CCDC88A: variants seen among roughly 807,000 people sequenced by gnomAD.
CCDC88A encodes the protein girdin.
Under a neutral mutation model 234.3 loss-of-function variants are expected in CCDC88A, and 54 were observed. The ratio of observed to expected loss-of-function variants is 0.23; its 90% confidence interval spans 0.19 to 0.29. The LOEUF (loss-of-function observed/expected upper bound fraction) is 0.29, where lower values mean the gene tolerates loss of function less well. Among genes scored for constraint, CCDC88A ranks in the 10% least tolerant of loss-of-function variants. The probability of loss-of-function intolerance (pLI) is 1.00; values close to 1 mark genes in which losing one functional copy is unlikely to be tolerated. For synonymous variants in CCDC88A, 753 were observed against 737.8 expected (o/e 1.02, Z -0.33); for missense variants, 1,832 against 2,123.4 (o/e 0.86, Z 2.70).
intron 2 of CCDC88A, among the ~76,000 whole-genome samples, chr2:55,401,647 T>G (rs1244091147): frequency 6.6e-6 from 1 of 150,908 alleles, no homozygotes; most frequent in Non-Finnish European, 1.5e-5. Context: ...TACAGAATAT[T>G]TTCACATATA....
chr2:55,377,991 T>A (rs960591427), intron 3 of CCDC88A, among the ~76,000 whole-genome samples: 4 of 152,242 alleles, frequency 2.6e-5, no homozygotes. Flanking sequence ...TTACGTCACT[T>A]ATTTTTGACT....
intron 8 of CCDC88A, among the ~76,000 whole-genome samples, chr2:55,352,546 T>A (rs1301375276): frequency 6.6e-6 from 1 of 152,152 alleles, no homozygotes; most frequent in African/African-American, 2.4e-5. Context: ...AAGGATGAAT[T>A]TTCTGACCTG....
At position 55,335,688 on chromosome 2, in the gene CCDC88A, G is replaced by T. The variant is rs1238269405; in HGVS notation, c.1657-524C>A. On this transcript the variant is annotated intron_variant, in intron 14 of 32. Coordinates refer to ENST00000436346, the MANE Select transcript of CCDC88A (RefSeq NM_001365480.1). This position sits in a 1 kb window ranked among gnomAD's most constrained non-coding sequence, Gnocchi z 4.5. The stretch of plus-strand genomic sequence containing the variant: ...AGCATCAAAATCACAAAAATCACTG[G>T]GTACATTTGGGAACTAATTCATCCA... Among the ~76,000 whole-genome samples the T allele has an allele frequency of 6.6e-6, 1 of 151,990 alleles. No homozygotes were observed. The highest frequency in any genetic ancestry group is 2.4e-5 in the African/African-American group (1 of 41,342).
chr2:55,325,584 C>A (rs1030387361), intron 17 of CCDC88A, among the ~76,000 whole-genome samples: 1 of 152,104 alleles, frequency 6.6e-6, no homozygotes, highest in Non-Finnish European at 1.5e-5. Flanking sequence ...ACAGTGAGAG[C>A]AAAATCTTTG....
intron 3 of CCDC88A, among the ~76,000 whole-genome samples, chr2:55,384,339 T>C (rs57410428): frequency 0.55 from 79,327 of 144,412 alleles, 23,177 homozygotes; most frequent in Admixed American, 0.65. Flanking sequence ...AAAAAAAAAA[T>C]CCAGAAGTGT....
At chr2:55,392,971 T>G (rs1676888308) in intron 2 of CCDC88A, among the ~76,000 whole-genome samples, 1 of 152,208 alleles carries the variant, frequency 6.6e-6, no homozygotes. Flanking sequence ...TCCTTTGTTG[T>G]TGTTTTTTTT....
At position 55,406,010 on chromosome 2, in the gene CCDC88A, T is replaced by G. The variant is rs1344884114; in HGVS notation, c.164+12806A>C. The G allele has an allele frequency of 2.0e-5, 3 of 151,744 alleles. No individual in the cohort carries two copies. The East Asian group carries it at 5.8e-4, about 29-fold the overall frequency. The allele number at this position is 151,744 out of a possible 1,614,324, so 9.4% of individuals were successfully genotyped here. On this transcript the variant is annotated intron_variant, in intron 2 of 32. Coordinates refer to ENST00000436346, the MANE Select transcript of CCDC88A (RefSeq NM_001365480.1). ...CCGTCTCTACTAAAAATACAAAAAA[T>G]TAGCTAGCTGTGGTGGCACGCGCTG... is the stretch of plus-strand genomic sequence containing the variant.
intron 1 of CCDC88A, 50 bp downstream of exon 1, chr2:55,418,967 G>A (rs1173932738): frequency 9.4e-6 from 15 of 1,593,934 alleles, no homozygotes; most frequent in South Asian, 3.3e-5. Flanking sequence ...CTCCATCTCT[G>A]CAGCCACAAA....
chr2:55,291,657 T>C lies in CCDC88A; in HGVS notation c.*35+19A>G, dbSNP rs1679463658. 3 of 1,160,400 alleles carry C rather than the reference T, an allele frequency of 2.6e-6. No individual in the cohort carries two copies. The East Asian group carries it at 7.2e-5, about 28-fold the overall frequency. 71.9% of individuals were successfully genotyped at this position (1,160,400 alleles called of 1,614,324 possible). ...ATAAATGAGACTAATCTCATTTACA[T>C]TTTAAGCAGGAAACTCACCACTTGG... On this transcript the variant is annotated intron_variant, in intron 32 of 32. Transcript: ENST00000436346.
chr2:55,346,187 C>T lies in CCDC88A; in HGVS notation c.1029G>A (p.Lys343=), dbSNP rs113785488. 1,371 of 1,600,570 alleles carry T rather than the reference C, an allele frequency of 8.6e-4. 6 individuals are homozygous for T. In the African/African-American group the frequency reaches 0.01, roughly 12 times the overall value. The change falls in exon 10 of 33, where the codon AAG becomes AAA. Residue 343 remains lysine (K), a synonymous_variant. Coordinates refer to ENST00000436346, the MANE Select transcript of CCDC88A (RefSeq NM_001365480.1). ...KERLHDIEFY[K]ARVEELKEDN... The stretch of plus-strand genomic sequence containing the variant: ...TTATGCAACATACCTCAACTCTTGC[C>T]TTATAAAATTCAATATCATGTAGTC...
intron 2 of CCDC88A, among the ~76,000 whole-genome samples, chr2:55,395,917 T>G (rs1197673084): frequency 6.6e-6 from 1 of 152,198 alleles, no homozygotes; most frequent in African/African-American, 2.4e-5. Context: ...AAGCATCTAC[T>G]AGAACTAGTT....
intron 3 of CCDC88A, among the ~76,000 whole-genome samples, chr2:55,381,246 C>G (rs1674542971): frequency 6.6e-6 from 1 of 152,088 alleles, no homozygotes; most frequent in Non-Finnish European, 1.5e-5. Context: ...ACAAAATTGC[C>G]TAATGACACA....
intron 25 of CCDC88A, among the ~76,000 whole-genome samples, chr2:55,306,511 A>G (rs11904107): frequency 0.095 from 14,411 of 152,190 alleles, 1,630 homozygotes; most frequent in African/African-American, 0.27. Flanking sequence ...ATAAGTGTGT[A>G]TGACTTTTTA....
intron 2 of CCDC88A, among the ~76,000 whole-genome samples, chr2:55,412,687 G>C (rs929877999): frequency 1.3e-5 from 2 of 152,122 alleles, no homozygotes; most frequent in Non-Finnish European, 2.9e-5. Context: ...AAAAAGGTTG[G>C]GGACCGCTGG....
chr2:55,352,443 A>T (rs182691216), intron 8 of CCDC88A, among the ~76,000 whole-genome samples: 2 of 148,440 alleles, frequency 1.3e-5, no homozygotes, highest in Admixed American at 1.3e-4. Flanking sequence ...AAAACACACA[A>T]AAAAACACAA....
intron 22 of CCDC88A, chr2:55,313,391 C>T (rs956570963): frequency 6.6e-6 from 1 of 152,210 alleles, no homozygotes; most frequent in African/African-American, 2.4e-5. Context: ...TTCAAGAAAC[C>T]TTAAAAGTCT....
chr2:55,342,095 A>T (rs1371692972), intron 12 of CCDC88A, among the ~76,000 whole-genome samples: 1 of 152,312 alleles, frequency 6.6e-6, no homozygotes, highest in East Asian at 1.9e-4. Context: ...TATTAAACAC[A>T]CTGGCAGTTA....
intron 29 of CCDC88A, chr2:55,297,252 A>G (rs1245964605): frequency 1.8e-5 from 2 of 111,972 alleles, no homozygotes; most frequent in Non-Finnish European, 3.5e-5. Context: ...TATATATTTC[A>G]TCTAATGTGT....
chr2:55,358,058 CTT>C (rs1165966438), intron 7 of CCDC88A, among the ~76,000 whole-genome samples: 1 of 152,142 alleles, frequency 6.6e-6, no homozygotes, highest in Non-Finnish European at 1.5e-5. Flanking sequence ...TTCCTGGCTA[CTT>C]TAGAGTTCCT....
Sources: gnomAD v4.1 joint callset for allele counts (sites outside exome capture counted in the v4.1 genomes callset) on GRCh38, gnomAD v4.1.1 for gene constraint, Gnocchi (gnomAD v3.1) non-coding constraint, MANE v1.5 for transcripts, NCBI Gene and HGNC (gene_info 2026-07-23, HGNC 2026-07-21) for gene names.